The following WDFY3 variants were observed in gnomAD, a reference collection of about 807,000 sequenced individuals.
The protein encoded by WDFY3 is WD repeat and FYVE domain containing 3, also known as WD repeat and FYVE domain-containing protein 3.
In WDFY3, 66 loss-of-function variants were observed where a neutral mutation model predicts 409.6. The observed-to-expected ratio is 0.16, with a 90% CI of 0.13 to 0.20. WDFY3 has a LOEUF of 0.20. Among genes scored for constraint, WDFY3 ranks in the 10% least tolerant of loss-of-function variants. The probability of loss-of-function intolerance (pLI) is 1.00; values close to 1 mark genes in which losing one functional copy is unlikely to be tolerated. For missense variants in WDFY3, 3,031 were observed against 4,298.1 expected, an observed-to-expected ratio of 0.71 and a Z score of 8.24; for synonymous variants, 1,521 against 1,537.1, an observed-to-expected ratio of 0.99 and a Z score of 0.25.
chr4:84,837,913 A>G (rs1242613631), intron 6 of WDFY3, among the ~76,000 whole-genome samples: 3 of 152,202 alleles, frequency 2.0e-5, no homozygotes, highest in Non-Finnish European at 2.9e-5. Flanking sequence ...GTCCTTCAAA[A>G]GACCACAGTC....
intron 55 of WDFY3, 131 bp from the exon 56 acceptor site, chr4:84,702,637 C>T (rs192990133): frequency 6.5e-5 from 47 of 717,910 alleles, no homozygotes; most frequent in Admixed American, 3.8e-4. Context: ...ACATTAAATA[C>T]GCACAAATTT....
chr4:84,928,594 G>A (rs534262597), intron 2 of WDFY3, among the ~76,000 whole-genome samples: 1 of 152,208 alleles, frequency 6.6e-6, no homozygotes, highest in East Asian at 1.9e-4. Flanking sequence ...ACTACATTCT[G>A]TAAAAGTAAC....
At chr4:84,938,217 T>C (rs1169431925) in intron 1 of WDFY3, among the ~76,000 whole-genome samples, 3 of 152,076 alleles carry the variant, frequency 2.0e-5, no homozygotes, top group African/African-American at 4.8e-5. Context: ...TTAAAATAAA[T>C]AAACAGTTAC....
At position 84,749,887 on chromosome 4, in the gene WDFY3, AG is replaced by A. The variant is rs1251615050; in HGVS notation, c.5973+1595del. 8.5e-5 allele frequency among the ~76,000 whole-genome samples: 13 copies of A among 152,328 alleles called. No individual in the cohort carries two copies. In the East Asian group the frequency reaches 2.5e-3, roughly 29 times the overall value. ...CCACAACAAAGAGAACCTTACTTCA[AG>A]GTTAATACATGTTATTATATATCAA... On this transcript the variant is annotated intron_variant, in intron 36 of 67. Coordinates refer to ENST00000295888, the MANE Select transcript of WDFY3 (RefSeq NM_014991.6).
At position 84,939,887 on chromosome 4, in the gene WDFY3, T is replaced by C. The variant is rs570242402; in HGVS notation, c.-225-7524A>G. On this transcript the variant is annotated intron_variant, in intron 1 of 67. Transcript: ENST00000295888. ...AATTCCAAGAATTTGGAGTTAGGTA[T>C]GCTCTTTGCCTCTTAGCCCTTTTAC... Among the ~76,000 whole-genome samples the C allele has an allele frequency of 2.6e-5, 4 of 152,288 alleles. No individual in the cohort carries two copies. In the South Asian group the frequency reaches 8.3e-4, roughly 32 times the overall value.
chr4:84,808,451 G>C, intron 14 of WDFY3, 34 bp from the exon 15 acceptor site: 1 of 1,594,648 alleles, frequency 6.3e-7, no homozygotes, highest in Non-Finnish European at 8.6e-7. Flanking sequence ...GTGGTTTAGA[G>C]AGGTTAGAAG....
In WDFY3 at chr4:84,703,094, CA is replaced by C. The variant is rs766684218; in HGVS notation, c.8443-589del. ...CCTGGGGGATAGCGAGACTCTGTCT[CA>C]AAAAAAAAAAAAACCAAACAAACAA... On this transcript the variant is annotated intron_variant, in intron 55 of 67. Coordinates refer to ENST00000295888, the MANE Select transcript of WDFY3 (RefSeq NM_014991.6). 1.7e-3 allele frequency among the ~76,000 whole-genome samples: 178 copies of C among 107,714 alleles called. 1 individual carries two copies. Among genetic ancestry groups the C allele is most frequent in the East Asian group, 9.3e-3 (34 of 3,644 alleles). The allele number at this position is 107,714 out of a possible 152,430, so 70.7% of individuals were successfully genotyped here.
intron 26 of WDFY3, among the ~76,000 whole-genome samples, chr4:84,779,473 C>T (rs190423494): frequency 2.6e-5 from 4 of 151,202 alleles, no homozygotes; most frequent in East Asian, 1.9e-4. Flanking sequence ...AATGCAATGG[C>T]GCAATCTCGG....
chr4:84,735,984 G>A (rs1163847050), intron 42 of WDFY3, among the ~76,000 whole-genome samples, 186 bp downstream of exon 42: 1 of 152,144 alleles, frequency 6.6e-6, no homozygotes, highest in Non-Finnish European at 1.5e-5. Flanking sequence ...ATGGGTATAA[G>A]TAAATAGCAC....
chr4:84,685,313 A>AGTCTGTGCTGCACC (rs1260990587), intron 62 of WDFY3, among the ~76,000 whole-genome samples: 1 of 152,214 alleles, frequency 6.6e-6, no homozygotes, highest in Non-Finnish European at 1.5e-5. Flanking sequence ...TTCCATCCAC[A>AGTCTGTGCTGCACC]GTCTGTGCTG....
chr4:84,829,615 T>C (rs188068457), intron 8 of WDFY3, among the ~76,000 whole-genome samples: 25 of 152,096 alleles, frequency 1.6e-4, no homozygotes, highest in African/African-American at 6.0e-4. Context: ...ATATATAGCC[T>C]GGCTAACATG....
At chr4:84,906,502 A>C in intron 2 of WDFY3, among the ~76,000 whole-genome samples, 1 of 152,148 alleles carries the variant, frequency 6.6e-6, no homozygotes, top group East Asian at 1.9e-4. Flanking sequence ...ATTTTAATAA[A>C]AGCATATTCT....
Position 84,682,382 on chromosome 4 carries a change from G to C in WDFY3, c.9815C>G (p.Ala3272Gly), listed in dbSNP as rs1175331054. ...TAGAAAGTATTAAATACCTATTTGT[G>C]CTTCTGGACAGTCTTCCTGCATTTC... ...VLEMQEDCPE[A>G]QIGQEAQDED... Residue 3272 changes from alanine to glycine, a missense_variant, in exon 64 of 68, where the codon GCA (alanine) becomes GGA (glycine). Physicochemically the swap from Ala to Gly is moderately conservative, Grantham distance 60. This residue lies in a region of WDFY3 where 378 missense variants were observed against 477.3 expected (regional missense o/e 0.79). Coordinates refer to ENST00000295888, the MANE Select transcript of WDFY3 (RefSeq NM_014991.6). 3 of 1,613,136 alleles carry C rather than the reference G, an allele frequency of 1.9e-6. No individual in the cohort carries two copies. Among genetic ancestry groups the C allele is most frequent in the Non-Finnish European group, 2.5e-6 (3 of 1,179,616 alleles).
At chr4:84,884,895 T>C (rs1763985954) in intron 3 of WDFY3, among the ~76,000 whole-genome samples, 1 of 152,206 alleles carries the variant, frequency 6.6e-6, no homozygotes, top group Non-Finnish European at 1.5e-5. Context: ...ACAATTAAAC[T>C]AGACTCCTCT....
chr4:84,849,478 T>G (rs1758572028), intron 5 of WDFY3, among the ~76,000 whole-genome samples: 1 of 145,288 alleles, frequency 6.9e-6, no homozygotes, highest in Admixed American at 7.2e-5. Context: ...AGTAAATGAT[T>G]AAAATAAGAG....
intron 1 of WDFY3, among the ~76,000 whole-genome samples, chr4:84,953,771 A>G (rs1773910085): frequency 1.3e-5 from 2 of 152,086 alleles, no homozygotes; most frequent in Admixed American, 1.3e-4. Context: ...GTTCTGATTC[A>G]CTGAGAGTGA....
chr4:84,849,569 TAA>T (rs5859953), intron 5 of WDFY3: 203 of 110,058 alleles, frequency 1.8e-3, no homozygotes, highest in Middle Eastern at 0.011. Flanking sequence ...CAGGGTATGC[TAA>T]AAAAAAAAAA....
chr4:84,794,315 T>G (rs1444545078), intron 21 of WDFY3, among the ~76,000 whole-genome samples: 1 of 152,214 alleles, frequency 6.6e-6, no homozygotes, highest in African/African-American at 2.4e-5. Context: ...TATTAGGTAC[T>G]CACTCCCTCC....
intron 52 of WDFY3, 113 bp downstream of exon 52, chr4:84,709,177 AAAT>A: frequency 7.1e-7 from 1 of 1,414,688 alleles, no homozygotes; most frequent in Non-Finnish European, 9.6e-7. Context: ...AAAAGAATGA[AAAT>A]AAAACATTTT....
Sources: allele counts gnomAD v4.1 joint callset (sites outside exome capture counted in the v4.1 genomes callset), GRCh38; gene constraint gnomAD v4.1.1; regional missense constraint gnomAD v4.1.1; transcripts MANE v1.5; gene names NCBI Gene and HGNC (gene_info 2026-07-23, HGNC 2026-07-21).